The following CDC20B variants were observed in gnomAD, a reference collection of about 807,000 sequenced individuals.
CDC20B encodes cell division cycle protein 20 homolog B.
CDC20B carries 58 observed loss-of-function variants against 64.1 expected under a neutral mutation model. The observed-to-expected ratio is 0.90, with a 90% CI of 0.73 to 1.13. The LOEUF (loss-of-function observed/expected upper bound fraction) is 1.13, where lower values mean the gene tolerates loss of function less well. Among genes scored for constraint, CDC20B ranks in the 50% most tolerant of loss-of-function variants. The pLI, the probability that CDC20B is intolerant of heterozygous loss-of-function variation, is 0.00. For missense variants in CDC20B, 597 were observed against 633.0 expected, an observed-to-expected ratio of 0.94 and a Z score of 0.61; for synonymous variants, 243 against 230.6, an observed-to-expected ratio of 1.05 and a Z score of -0.49.
At chr5:55,130,171 A>G (rs1460230324) in intron 6 of CDC20B, among the ~76,000 whole-genome samples, 1 of 152,196 alleles carries the variant, frequency 6.6e-6, no homozygotes, top group Non-Finnish European at 1.5e-5. Flanking sequence ...CATAAAACAA[A>G]GCTCTAAAAT....
At position 55,143,536 on chromosome 5, in the gene CDC20B, C is replaced by A; in HGVS notation, c.463G>T (p.Glu155Ter). The A allele has an allele frequency of 6.2e-7, 1 of 1,603,950 alleles. No individual in the cohort carries two copies. Among genetic ancestry groups the A allele is most frequent in the Non-Finnish European group, 8.5e-7 (1 of 1,175,164 alleles). The change falls in exon 4 of 12, where the codon GAA becomes TAA. Residue 155 changes from glutamate to a stop codon, truncating the protein, a stop_gained. Transcript: ENST00000381375. LOFTEE classifies it high-confidence loss of function. ...APHAMDRDWK[E>*]SVASKGQKCL... ...ACCTGCCCTTTTGAGGCAACACTTT[C>A]TTTCCAGTCTCTGTCCATTGCATGA...
chr5:55,138,099 C>G (rs974277468), intron 5 of CDC20B, among the ~76,000 whole-genome samples: 24 of 145,634 alleles, frequency 1.6e-4, no homozygotes, highest in Admixed American at 2.8e-4. Flanking sequence ...ATAAAAATGA[C>G]AATTTTTTAA....
rs143206749 is a variant in CDC20B at position 55,114,583 on chromosome 5, T to G, written c.1460-265A>C. 7.3e-4 allele frequency among the ~76,000 whole-genome samples: 111 copies of G among 152,282 alleles called. No homozygotes were observed. Among genetic ancestry groups the G allele is most frequent in the African/African-American group, 2.5e-3 (102 of 41,568 alleles). ...ACAAATTACCACCCATTGGGTGGCT[T>G]AAAACAACAGAAATTGATTCTCACA... On this transcript the variant is annotated intron_variant, in intron 11 of 11. Transcript: ENST00000381375. This position sits in a 1 kb window ranked among gnomAD's most constrained non-coding sequence, Gnocchi z 4.1.
At chr5:55,163,674 T>G (rs1744214813) in intron 2 of CDC20B, among the ~76,000 whole-genome samples, 1 of 151,340 alleles carries the variant, frequency 6.6e-6, no homozygotes, top group African/African-American at 2.4e-5. Flanking sequence ...ACCCGGCTAA[T>G]TTTTTGTATT....
At chr5:55,164,394 A>G (rs1373945983) in intron 2 of CDC20B, 3 of 396,274 alleles carry the variant, frequency 7.6e-6, no homozygotes, top group African/African-American at 2.1e-5. Flanking sequence ...AAATGTGGCA[A>G]TGAAGGATTT....
chr5:55,172,673 T>C (rs1228278011), intron 1 of CDC20B, 23 bp from the exon 2 acceptor site: 3 of 1,551,194 alleles, frequency 1.9e-6, no homozygotes, highest in African/African-American at 1.4e-5. Flanking sequence ...AGATAACATA[T>C]TGAGGGAGAA....
intron 1 of CDC20B, 84 bp from the exon 2 acceptor site, chr5:55,172,734 G>A: frequency 9.9e-7 from 1 of 1,011,834 alleles, no homozygotes; most frequent in Non-Finnish European, 1.5e-6. Flanking sequence ...TAGATCTTGT[G>A]CTTGTCAGAT....
At chr5:55,118,745 G>A (rs1742684048) in intron 11 of CDC20B, among the ~76,000 whole-genome samples, 1 of 152,140 alleles carries the variant, frequency 6.6e-6, no homozygotes, top group Non-Finnish European at 1.5e-5. Context: ...TTCTGATCCA[G>A]GCCACAGAGT....
chr5:55,127,616 G>A (rs906625250), intron 7 of CDC20B, among the ~76,000 whole-genome samples: 1 of 152,196 alleles, frequency 6.6e-6, no homozygotes, highest in African/African-American at 2.4e-5. Flanking sequence ...TGAATTCAAT[G>A]TGCAGCCAAG....
chr5:55,122,530 A>G (rs1742784176), intron 9 of CDC20B, among the ~76,000 whole-genome samples: 1 of 152,224 alleles, frequency 6.6e-6, no homozygotes, highest in Non-Finnish European at 1.5e-5. Flanking sequence ...AGCCTCGCCC[A>G]TTCCCTCCAT....
At chr5:55,138,119 G>T (rs937669180) in intron 5 of CDC20B, among the ~76,000 whole-genome samples, 23 of 149,486 alleles carry the variant, frequency 1.5e-4, no homozygotes, top group African/African-American at 5.4e-4. Flanking sequence ...ATTCAATAGC[G>T]CCAGGCACCA....
At chr5:55,142,221 G>A (rs1743348670) in intron 4 of CDC20B, among the ~76,000 whole-genome samples, 1 of 152,094 alleles carries the variant, frequency 6.6e-6, no homozygotes, top group Non-Finnish European at 1.5e-5. Context: ...CCCTCGTTGT[G>A]GAAACACCCT....
rs1230374000 is a variant in CDC20B at position 55,172,311 on chromosome 5, T to A, written c.126+277A>T. ...TGCAACTAGCAACTGTTAAAATCAT[T>A]AACAGCCGCTAGCAATACACTGCCT... On this transcript the variant is annotated intron_variant, in intron 2 of 11. Transcript: ENST00000381375. 41 of 360,468 alleles carry A rather than the reference T, an allele frequency of 1.1e-4. 1 individual carries two copies. Among genetic ancestry groups the A allele is most frequent in the Non-Finnish European group, 1.7e-4 (33 of 196,184 alleles). The allele number at this position is 360,468 out of a possible 1,614,324, so 22.3% of individuals were successfully genotyped here.
chr5:55,136,820 T>G (rs1413056428), intron 5 of CDC20B: 2 of 152,032 alleles, frequency 1.3e-5, no homozygotes, highest in African/African-American at 2.4e-5. Flanking sequence ...ATGACAATAA[T>G]CTCATGAATA....
chr5:55,171,203 C>T (rs1744587210), intron 2 of CDC20B, among the ~76,000 whole-genome samples: 1 of 152,150 alleles, frequency 6.6e-6, no homozygotes, highest in Non-Finnish European at 1.5e-5. Context: ...ATCCCAGCTA[C>T]TCAGGAGGCT....
chr5:55,137,131 C>T (rs60267501), intron 5 of CDC20B: 4,683 of 154,182 alleles, frequency 0.03, 261 homozygotes, highest in African/African-American at 0.11. Flanking sequence ...GAACTGAGAT[C>T]GCGCCACTGC....
rs1167621021 is a variant in CDC20B at position 55,113,998 on chromosome 5, AAG to A, written c.*218_*219del. ...TGGGAGGAAGAAGAGGAGGGGGAGG[AAG>A]AGGGGCAGAAAGAAGAAAGCAGAGA... On this transcript the variant is annotated 3_prime_UTR_variant, in exon 12 of 12. Coordinates refer to ENST00000381375, the MANE Select transcript of CDC20B (RefSeq NM_001170402.1). 40 of 677,080 alleles carry A rather than the reference AAG, an allele frequency of 5.9e-5. No homozygotes were observed. The highest frequency in any genetic ancestry group is 7.5e-4 in the Middle Eastern group (2 of 2,684). 41.9% of individuals were successfully genotyped at this position (677,080 alleles called of 1,614,324 possible).
chr5:55,166,931 G>C (rs1744423398), intron 2 of CDC20B: 1 of 152,252 alleles, frequency 6.6e-6, no homozygotes. Context: ...CTGGGAGGCT[G>C]AGTCAGAAGA....
At position 55,169,948 on chromosome 5, in the gene CDC20B, C is replaced by T. The variant is rs1038039469; in HGVS notation, c.126+2640G>A. Among the ~76,000 whole-genome samples the T allele has an allele frequency of 3.9e-5, 6 of 152,074 alleles. No homozygotes were observed. The South Asian group carries it at 1.2e-3, about 32-fold the overall frequency. On this transcript the variant is annotated intron_variant, in intron 2 of 11. Transcript: ENST00000381375. ...CTAACACGGTGAAACCCCGTCTCTACTAAAAATACAAAAAAATTAGCCGGG... is the reference window on the plus strand; with the variant it reads ...CTAACACGGTGAAACCCCGTCTCTATTAAAAATACAAAAAAATTAGCCGGG...
Sources: allele counts gnomAD v4.1 joint callset (sites outside exome capture counted in the v4.1 genomes callset), GRCh38; gene constraint gnomAD v4.1.1; non-coding constraint Gnocchi (gnomAD v3.1); transcripts MANE v1.5; gene names NCBI Gene and HGNC (gene_info 2026-07-23, HGNC 2026-07-21).